FAP: variants seen among roughly 807,000 people sequenced by gnomAD.
The protein encoded by FAP is prolyl endopeptidase FAP.
Under a neutral mutation model 126.5 loss-of-function variants are expected in FAP, and 110 were observed. The observed-to-expected ratio is 0.87, with a 90% CI of 0.74 to 1.02. The LOEUF is 1.02. Ranked by LOEUF, FAP falls within the 50% of genes least tolerant of loss-of-function variation. The probability of loss-of-function intolerance (pLI) is 0.00; values close to 1 mark genes in which losing one functional copy is unlikely to be tolerated. For synonymous variants in FAP, 334 were observed against 297.3 expected, an observed-to-expected ratio of 1.12 and a Z score of -1.27; for missense variants, 919 against 909.2, an observed-to-expected ratio of 1.01 and a Z score of -0.14.
At chr2:162,184,586 G>A (rs1287472015) in intron 20 of FAP, among the ~76,000 whole-genome samples, 2 of 152,204 alleles carry the variant, frequency 1.3e-5, no homozygotes, top group Non-Finnish European at 1.5e-5. Flanking sequence ...CAGCTTACCC[G>A]ACACTGATTC....
intron 16 of FAP, chr2:162,197,738 C>A: frequency 2.3e-6 from 1 of 436,512 alleles, no homozygotes; most frequent in Non-Finnish European, 4.6e-6. Context: ...AGGGCCTCTG[C>A]AACTGAATAG....
chr2:162,191,655 C>T lies in FAP; in HGVS notation c.1451-1901G>A, dbSNP rs189483529. ...TCTTATACTTGATTTCTGTTTGAAT[C>T]GTTTTAAAATCCCATATTGCTGATT... On this transcript the variant is annotated intron_variant, in intron 17 of 25. Transcript: ENST00000188790. Among the ~76,000 whole-genome samples the T allele has an allele frequency of 3.3e-5, 5 of 152,156 alleles. No homozygotes were observed. In the East Asian group the frequency reaches 9.6e-4, roughly 29 times the overall value.
At chr2:162,180,413 G>T (rs957603401) in intron 21 of FAP, among the ~76,000 whole-genome samples, 3 of 152,056 alleles carry the variant, frequency 2.0e-5, no homozygotes, top group Admixed American at 1.3e-4. Flanking sequence ...CATTACCTGG[G>T]GTCTTGTTGG....
In FAP at chr2:162,233,116, TAC is replaced by T. The variant is rs545531380; in HGVS notation, c.92-6497_92-6496del. Among the ~76,000 whole-genome samples the T allele has an allele frequency of 4.6e-4, 70 of 152,216 alleles. 3 individuals carry two copies. In the South Asian group the frequency reaches 0.014, roughly 31 times the overall value. ...GATTGTCTTTTGAACTCCAGACACGTACATTAAACTTCCTCTTTAAAATCCCC... is the reference window on the plus strand; with the variant it reads ...GATTGTCTTTTGAACTCCAGACACGTATTAAACTTCCTCTTTAAAATCCCC... On this transcript the variant is annotated intron_variant, in intron 2 of 25. Coordinates refer to ENST00000188790, the MANE Select transcript of FAP (RefSeq NM_004460.5).
chr2:162,219,753 A>ATTTTTTTTT, intron 7 of FAP, 100 bp downstream of exon 7: 1 of 784,934 alleles, frequency 1.3e-6, no homozygotes. Context: ...TCATGAATGT[A>ATTTTTTTTT]TTTTTTTTTC....
At chr2:162,212,486 A>G (rs1576173853) in intron 11 of FAP, among the ~76,000 whole-genome samples, 1 of 152,210 alleles carries the variant, frequency 6.6e-6, no homozygotes, top group South Asian at 2.1e-4. Context: ...AGATAAAAAT[A>G]CGCTTCTAGC....
At chr2:162,241,335 T>C (rs1690337008) in intron 2 of FAP, among the ~76,000 whole-genome samples, 1 of 152,244 alleles carries the variant, frequency 6.6e-6, no homozygotes, top group African/African-American at 2.4e-5. Context: ...AAGCTATACA[T>C]AACTAAACTT....
intron 16 of FAP, 187 bp downstream of exon 16, chr2:162,198,570 G>T: frequency 2.4e-6 from 2 of 838,798 alleles, no homozygotes; most frequent in Non-Finnish European, 3.6e-6. Context: ...TGTTTCCTCA[G>T]TTGCAAAAAA....
chr2:162,220,044 C>A, intron 6 of FAP, 119 bp from the exon 7 acceptor site: 1 of 686,060 alleles, frequency 1.5e-6, no homozygotes, highest in Non-Finnish European at 2.5e-6. Context: ...TCCCTCTGCA[C>A]CCACAAACCT....
At chr2:162,221,891 G>C (rs1689419308) in intron 6 of FAP, among the ~76,000 whole-genome samples, 1 of 152,028 alleles carries the variant, frequency 6.6e-6, no homozygotes, top group South Asian at 2.1e-4. Flanking sequence ...ATTCAGCGAT[G>C]CCTAGAATCT....
At chr2:162,174,711 A>G (rs1687426070) in intron 22 of FAP, among the ~76,000 whole-genome samples, 156 bp downstream of exon 22, 1 of 152,212 alleles carries the variant, frequency 6.6e-6, no homozygotes, top group Non-Finnish European at 1.5e-5. Context: ...CAACATGTTT[A>G]TAATAAATGA....
chr2:162,243,243 T>A, intron 1 of FAP, 79 bp downstream of exon 1: 1 of 1,163,666 alleles, frequency 8.6e-7, no homozygotes, highest in Non-Finnish European at 1.3e-6. Flanking sequence ...CTTCACCTTC[T>A]AAACAATAGA....
intron 2 of FAP, among the ~76,000 whole-genome samples, chr2:162,238,225 G>C (rs1690215496): frequency 6.6e-6 from 1 of 151,960 alleles, no homozygotes; most frequent in Non-Finnish European, 1.5e-5. Flanking sequence ...GTCAATTATT[G>C]CTATATTTTA....
At chr2:162,175,480 T>C (rs954523567) in intron 21 of FAP, 1 of 152,512 alleles carries the variant, frequency 6.6e-6, no homozygotes, top group African/African-American at 2.4e-5. Context: ...CCATAAGAAC[T>C]TTTTGGATAA....
intron 5 of FAP, 113 bp from the exon 6 acceptor site, chr2:162,223,773 T>TAAATCTAA: frequency 1.4e-6 from 1 of 691,794 alleles, no homozygotes. Context: ...AAGGACTACT[T>TAAATCTAA]TCACAAGGCA....
intron 2 of FAP, among the ~76,000 whole-genome samples, chr2:162,231,262 A>G (rs567883194): frequency 1.3e-5 from 2 of 152,310 alleles, no homozygotes; most frequent in African/African-American, 4.8e-5. Flanking sequence ...CCACAGCATC[A>G]AATACACTAA....
intron 17 of FAP, among the ~76,000 whole-genome samples, chr2:162,191,583 T>A (rs1024965204): frequency 6.6e-6 from 1 of 152,138 alleles, no homozygotes; most frequent in East Asian, 1.9e-4. Context: ...TCCACATGTA[T>A]TTGTAGGCTC....
intron 16 of FAP, among the ~76,000 whole-genome samples, chr2:162,197,092 A>G (rs1317742634): frequency 1.3e-5 from 2 of 152,238 alleles, no homozygotes; most frequent in African/African-American, 4.8e-5. Flanking sequence ...TGCAGAATGC[A>G]TACATATATA....
intron 24 of FAP, 64 bp downstream of exon 24, chr2:162,173,085 G>A (rs1268005485): frequency 5.5e-6 from 8 of 1,467,664 alleles, no homozygotes; most frequent in Admixed American, 5.0e-5. Flanking sequence ...GATGCTTAAT[G>A]TTTCTTAAAC....
Sources: allele counts gnomAD v4.1 joint callset (sites outside exome capture counted in the v4.1 genomes callset), GRCh38; gene constraint gnomAD v4.1.1; transcripts MANE v1.5; gene names NCBI Gene and HGNC (gene_info 2026-07-23, HGNC 2026-07-21).